The following PCDHGA8 variants were observed in gnomAD, a reference collection of about 807,000 sequenced individuals.
PCDHGA8 encodes the protein protocadherin gamma-A8.
Under a neutral mutation model 59.2 loss-of-function variants are expected in PCDHGA8, and 45 were observed. The observed-to-expected ratio is 0.76, with a 90% CI of 0.60 to 0.98. The LOEUF is 0.98. Among genes scored for constraint, PCDHGA8 ranks in the 50% least tolerant of loss-of-function variants. PCDHGA8 has a pLI of 0.00. For missense variants in PCDHGA8, 1,257 were observed against 1,196.2 expected (o/e 1.05, Z -0.75); for synonymous variants, 531 against 519.0 (o/e 1.02, Z -0.32).
At chr5:141,410,636 T>G (rs1050547360) in intron 1 of PCDHGA8, 1 of 1,599,982 alleles carries the variant, frequency 6.3e-7, no homozygotes, top group Admixed American at 1.7e-5. Context: ...TTTCTCTTTT[T>G]TGTGTGTGAT....
At chr5:141,501,013 C>T (rs1456343329) in intron 2 of PCDHGA8, among the ~76,000 whole-genome samples, 2 of 151,970 alleles carry the variant, frequency 1.3e-5, no homozygotes, top group Non-Finnish European at 2.9e-5. Context: ...GGACTACAGG[C>T]ACGCGCCACC....
Position 141,394,938 on chromosome 5 carries a change from G to A in PCDHGA8, c.2125G>A (p.Ala709Thr). The change falls in exon 1 of 4, where the codon GCT (alanine) becomes ACT (threonine). Residue 709 changes from alanine to threonine, a missense_variant. Ala to Thr is a moderately conservative substitution (Grantham distance 58, BLOSUM62 0). Transcript: ENST00000398604. The part of the protein sequence containing the change: ...AISCVFLAFV[A>T]VLLGLRLRRW... ...CTCCTGTGTCTTCCTCGCCTTTGTC[G>A]CTGTGCTTCTGGGGCTCAGGCTGAG... 6.2e-7 allele frequency: 1 copy of A among 1,613,780 alleles called. No individual in the cohort carries two copies. Among genetic ancestry groups the A allele is most frequent in the Non-Finnish European group, 8.5e-7 (1 of 1,179,880 alleles).
chr5:141,472,998 G>GAA (rs2099311030), intron 1 of PCDHGA8, among the ~76,000 whole-genome samples: 1 of 134,744 alleles, frequency 7.4e-6, no homozygotes, highest in Non-Finnish European at 1.6e-5. Flanking sequence ...AAAAAAAAAA[G>GAA]AAAGAAAAAG....
chr5:141,464,530 T>C (rs375523203), intron 1 of PCDHGA8, among the ~76,000 whole-genome samples: 1 of 152,108 alleles, frequency 6.6e-6, no homozygotes, highest in African/African-American at 2.4e-5. Flanking sequence ...TATGTAGTTT[T>C]GTTAAATATA....
intron 1 of PCDHGA8, chr5:141,421,105 G>A: frequency 1.4e-6 from 1 of 700,910 alleles, no homozygotes; most frequent in Non-Finnish European, 2.3e-6. Context: ...TGGAGACTTA[G>A]AAGTATTTTC....
Position 141,395,117 on chromosome 5 carries a change from G to C in PCDHGA8, c.2304G>C (p.Leu768=). 4 of 1,614,192 alleles carry C rather than the reference G, an allele frequency of 2.5e-6. No homozygotes were observed. The South Asian group carries it at 4.4e-5, about 18-fold the overall frequency. ...CCGCCGACTCGCGGAAGAGTCACCT[G>C]ATCTTTCCCCAGCCCAACTACGCAG... ...SLTADSRKSH[L]IFPQPNYADM... is the part of the protein sequence containing the mutation. Residue 768 remains leucine (L), a synonymous_variant, in exon 1 of 4, where the codon CTG becomes CTC. Coordinates refer to ENST00000398604, the MANE Select transcript of PCDHGA8 (RefSeq NM_032088.2).
intron 3 of PCDHGA8, among the ~76,000 whole-genome samples, chr5:141,509,040 C>T (rs1217864661): frequency 6.6e-6 from 1 of 152,132 alleles, no homozygotes; most frequent in African/African-American, 2.4e-5. Context: ...CAACCCCTCT[C>T]CCCCGCCCCC....
intron 1 of PCDHGA8, chr5:141,414,951 G>A (rs1411406878): frequency 5.6e-6 from 9 of 1,614,092 alleles, no homozygotes; most frequent in Non-Finnish European, 7.6e-6. Flanking sequence ...GCTACCTGGT[G>A]ACCAAGGTGG....
At chr5:141,421,489 G>T (rs754141447) in intron 1 of PCDHGA8, 9 of 1,614,094 alleles carry the variant, frequency 5.6e-6, no homozygotes, top group Non-Finnish European at 7.6e-6. Context: ...CTTGATCACG[G>T]CAGGCAGGAT....
At chr5:141,419,378 G>A in intron 1 of PCDHGA8, 3 of 1,613,710 alleles carry the variant, frequency 1.9e-6, no homozygotes, top group Non-Finnish European at 2.5e-6. Context: ...CTACGTGTCC[G>A]TGAGCGCGCA....
In PCDHGA8 at chr5:141,489,950, A is replaced by G; in HGVS notation, c.2425-4857A>G. 2 of 1,614,192 alleles carry G rather than the reference A, an allele frequency of 1.2e-6. No individual in the cohort carries two copies. The highest frequency in any genetic ancestry group is 1.1e-5 in the South Asian group (1 of 91,088). ...TCTGTCATCGTGCTGGACATCAATG[A>G]TAATGCTCCAACCTTCCAATCCTCA... On this transcript the variant is annotated intron_variant, in intron 1 of 3. Transcript: ENST00000398604. The surrounding 1 kb of genome is among the most constrained non-coding windows in gnomAD (Gnocchi z 4.5).
At position 141,487,939 on chromosome 5, in the gene PCDHGA8, C is replaced by A; in HGVS notation, c.2425-6868C>A. ...AGGCTACAGTGCACAGGGTACAGTG[C>A]ACCAGGCAGTCACTTGGACAAAGGT... On this transcript the variant is annotated intron_variant, in intron 1 of 3. Coordinates refer to ENST00000398604, the MANE Select transcript of PCDHGA8 (RefSeq NM_032088.2). The surrounding 1 kb of genome is among the most constrained non-coding windows in gnomAD (Gnocchi z 5.0). The A allele has an allele frequency of 1.7e-6, 1 of 600,512 alleles. No individual in the cohort carries two copies. Among genetic ancestry groups the A allele is most frequent in the Non-Finnish European group, 2.9e-6 (1 of 343,042 alleles). The allele number at this position is 600,512 out of a possible 1,614,324, so 37.2% of individuals were successfully genotyped here.
At chr5:141,427,901 G>C (rs2097088177) in intron 1 of PCDHGA8, 6 of 1,572,234 alleles carry the variant, frequency 3.8e-6, no homozygotes, top group East Asian at 2.2e-5. Flanking sequence ...GCTCGCCCGC[G>C]CTCAGCGCCA....
chr5:141,456,712 C>T (rs1025899058), intron 1 of PCDHGA8, among the ~76,000 whole-genome samples: 2 of 152,190 alleles, frequency 1.3e-5, no homozygotes, highest in African/African-American at 4.8e-5. Context: ...CGCCTGTAAT[C>T]CCAGCACTTT....
chr5:141,419,549 T>C, intron 1 of PCDHGA8: 1 of 1,612,006 alleles, frequency 6.2e-7, no homozygotes, highest in Non-Finnish European at 8.5e-7. Context: ...GCGGGTGCTG[T>C]ACCCTGCGCT....
intron 1 of PCDHGA8, among the ~76,000 whole-genome samples, chr5:141,450,899 A>G (rs1045595271): frequency 1.0e-4 from 15 of 149,514 alleles, no homozygotes; most frequent in African/African-American, 3.7e-4. Context: ...ATATCGGCTC[A>G]CTGCAACCGC....
chr5:141,466,812 G>T (rs1394979761), intron 1 of PCDHGA8, among the ~76,000 whole-genome samples: 1 of 151,940 alleles, frequency 6.6e-6, no homozygotes, highest in African/African-American at 2.4e-5. Flanking sequence ...ATTCAGACAT[G>T]GTATAACAAG....
rs746487145 is a variant in PCDHGA8 at position 141,505,415 on chromosome 5, G to A, written c.2506G>A (p.Gly836Ser). 7.4e-6 allele frequency: 12 copies of A among 1,614,074 alleles called. No individual in the cohort carries two copies. The East Asian group carries it at 1.3e-4, about 18-fold the overall frequency. Residue 836 changes from glycine to serine, a missense_variant, in exon 3 of 4, where the codon GGC (glycine) becomes AGC (serine). Gly to Ser is a moderately conservative substitution (Grantham distance 56, BLOSUM62 0). Coordinates refer to ENST00000398604, the MANE Select transcript of PCDHGA8 (RefSeq NM_032088.2). ...CAGCTCCCAAAATGGCGATGACACC[G>A]GCACCTGGCCCAACAACCAGTTTGA... ...TSGSQNGDDT[G>S]TWPNNQFDTE...
At position 141,432,203 on chromosome 5, in the gene PCDHGA8, G is replaced by A. The variant is rs1282888078; in HGVS notation, c.2424+36966G>A. The A allele has an allele frequency of 3.1e-6, 5 of 1,614,062 alleles. No homozygotes were observed. The highest frequency in any genetic ancestry group is 1.3e-5 in the African/African-American group (1 of 74,920). ...TGTGACCGCCCACGACCCCGACTGT[G>A]AAGAGAACGCCCAGATCACTTATTC... On this transcript the variant is annotated intron_variant, in intron 1 of 3. Transcript: ENST00000398604. The surrounding 1 kb of genome is among the most constrained non-coding windows in gnomAD (Gnocchi z 6.0).
Sources: allele counts gnomAD v4.1 joint callset (sites outside exome capture counted in the v4.1 genomes callset), GRCh38; gene constraint gnomAD v4.1.1; non-coding constraint Gnocchi (gnomAD v3.1); transcripts MANE v1.5; gene names NCBI Gene and HGNC (gene_info 2026-07-23, HGNC 2026-07-21).